Variants in MSRB3 observed in about 807,000 individuals in gnomAD.
MSRB3 encodes the protein methionine sulfoxide reductase B3.
Under a neutral mutation model 21.0 loss-of-function variants are expected in MSRB3, and 13 were observed. The ratio of observed to expected loss-of-function variants is 0.62; its 90% CI spans 0.40 to 0.98. The LOEUF (loss-of-function observed/expected upper bound fraction) is 0.98, where lower values mean the gene tolerates loss of function less well. Ranked by LOEUF, MSRB3 falls within the 50% of genes least tolerant of loss-of-function variation. MSRB3 has a pLI of 0.00. For synonymous variants in MSRB3, 87 were observed against 88.6 expected (o/e 0.98, Z 0.10); for missense variants, 199 against 230.3 (o/e 0.86, Z 0.88).
intron 5 of MSRB3, among the ~76,000 whole-genome samples, chr12:65,438,140 T>A (rs373259868): frequency 3.3e-5 from 5 of 151,960 alleles, no homozygotes; most frequent in Non-Finnish European, 7.4e-5. Context: ...TGAAAAATTC[T>A]TTCTGATACA....
chr12:65,320,162 A>AG (rs1874568989), intron 2 of MSRB3, among the ~76,000 whole-genome samples: 1 of 152,208 alleles, frequency 6.6e-6, no homozygotes, highest in Non-Finnish European at 1.5e-5. Context: ...AACAGCAAGA[A>AG]GGCATTAAAT....
intron 5 of MSRB3, among the ~76,000 whole-genome samples, chr12:65,405,928 T>C (rs907571421): frequency 6.6e-6 from 1 of 152,198 alleles, no homozygotes; most frequent in African/African-American, 2.4e-5. Flanking sequence ...TTAAATTGGG[T>C]TATTTATTTT....
At chr12:65,428,968 T>A (rs1338700101) in intron 5 of MSRB3, among the ~76,000 whole-genome samples, 2 of 152,256 alleles carry the variant, frequency 1.3e-5, no homozygotes, top group South Asian at 4.1e-4. Flanking sequence ...TATGATTACT[T>A]ACCAGTCTCT....
At chr12:65,433,231 C>A (rs889221321) in intron 5 of MSRB3, among the ~76,000 whole-genome samples, 2 of 151,836 alleles carry the variant, frequency 1.3e-5, no homozygotes, top group African/African-American at 4.8e-5. Context: ...TGACTCTTTT[C>A]ATTTTAGTTT....
chr12:65,424,748 T>C (rs1337950123), intron 5 of MSRB3, among the ~76,000 whole-genome samples: 1 of 151,622 alleles, frequency 6.6e-6, no homozygotes, highest in Non-Finnish European at 1.5e-5. Flanking sequence ...TCCTGGAGAA[T>C]GTTCCGCTTG....
chr12:65,464,062 C>T lies in MSRB3; in HGVS notation c.*740C>T, dbSNP rs1336244710. ...GGCCAAGGCGGGTGGATCACGAGGT[C>T]AGGAGATGGAGACCATCCTGGCTAA... On this transcript the variant is annotated 3_prime_UTR_variant, in exon 7 of 7. Transcript: ENST00000308259. 1 of 152,284 alleles carries T rather than the reference C, an allele frequency of 6.6e-6. No individual in the cohort carries two copies. Among genetic ancestry groups the T allele is most frequent in the African/African-American group, 2.4e-5 (1 of 41,434 alleles). The allele number at this position is 152,284 out of a possible 1,614,324, so 9.4% of individuals were successfully genotyped here.
intron 4 of MSRB3, among the ~76,000 whole-genome samples, chr12:65,336,410 A>T (rs997718): frequency 0.012 from 1,763 of 152,324 alleles, 32 homozygotes; most frequent in African/African-American, 0.041. Flanking sequence ...CTGAAGCAAT[A>T]GATACAAAAA....
Position 65,278,748 on chromosome 12 carries a change from C to A in MSRB3, c.-169C>A, listed in dbSNP as rs754051748. 3.8e-6 allele frequency: 6 copies of A among 1,571,050 alleles called. No individual in the cohort carries two copies. In the South Asian group the frequency reaches 5.8e-5, roughly 15 times the overall value. Reference sequence around the variant, plus strand: ...GGAGGGAGCGAGGTTCGGACACCGGCGGCGGCTGCCTGGCCTTTCCATGAG... The same window carrying A: ...GGAGGGAGCGAGGTTCGGACACCGGAGGCGGCTGCCTGGCCTTTCCATGAG... On this transcript the variant is annotated 5_prime_UTR_variant, in exon 1 of 7. Transcript: ENST00000308259.
chr12:65,434,783 G>A (rs1882043817), intron 5 of MSRB3, among the ~76,000 whole-genome samples: 1 of 151,916 alleles, frequency 6.6e-6, no homozygotes, highest in Non-Finnish European at 1.5e-5. Context: ...CATTTGTGTG[G>A]TGATTAGCTA....
intron 4 of MSRB3, among the ~76,000 whole-genome samples, chr12:65,335,500 TC>T (rs1306574116): frequency 2.0e-5 from 3 of 152,170 alleles, no homozygotes; most frequent in Non-Finnish European, 2.9e-5. Flanking sequence ...CTGAGAAAAT[TC>T]CAGTCCAGTG....
intron 5 of MSRB3, among the ~76,000 whole-genome samples, chr12:65,411,451 C>A (rs1271147366): frequency 6.6e-6 from 1 of 152,156 alleles, no homozygotes; most frequent in African/African-American, 2.4e-5. Context: ...ATACTCAGAT[C>A]TCCTTTTTAA....
At chr12:65,410,612 C>T (rs1880666008) in intron 5 of MSRB3, among the ~76,000 whole-genome samples, 1 of 152,172 alleles carries the variant, frequency 6.6e-6, no homozygotes, top group East Asian at 1.9e-4. Flanking sequence ...CCACTACACT[C>T]CAGCCTGGGT....
intron 5 of MSRB3, among the ~76,000 whole-genome samples, chr12:65,375,916 C>T (rs1592578622): frequency 1.5e-5 from 2 of 130,836 alleles, no homozygotes; most frequent in Non-Finnish European, 3.2e-5. Flanking sequence ...GTCTATTATT[C>T]AGTACTTATT....
At chr12:65,391,973 C>A (rs1375082534) in intron 5 of MSRB3, among the ~76,000 whole-genome samples, 5 of 152,084 alleles carry the variant, frequency 3.3e-5, no homozygotes, top group Admixed American at 1.3e-4. Context: ...CAAGGGCCTG[C>A]CTGATTTTCC....
chr12:65,424,439 C>A (rs1248778602), intron 5 of MSRB3, among the ~76,000 whole-genome samples: 1 of 151,948 alleles, frequency 6.6e-6, no homozygotes, highest in African/African-American at 2.4e-5. Flanking sequence ...TTGATGGAGG[C>A]AGTTATTGCT....
At chr12:65,436,009 A>G (rs1882098153) in intron 5 of MSRB3, among the ~76,000 whole-genome samples, 1 of 151,860 alleles carries the variant, frequency 6.6e-6, no homozygotes, top group African/African-American at 2.4e-5. Context: ...ATTCTAGGAA[A>G]AGTCATGGTA....
chr12:65,424,472 A>G (rs987393737), intron 5 of MSRB3, among the ~76,000 whole-genome samples: 2 of 151,680 alleles, frequency 1.3e-5, no homozygotes, highest in African/African-American at 4.8e-5. Context: ...TTTAGAAGTG[A>G]TTTTGCTGCA....
At chr12:65,435,364 T>C (rs1882068282) in intron 5 of MSRB3, among the ~76,000 whole-genome samples, 1 of 151,956 alleles carries the variant, frequency 6.6e-6, no homozygotes. Flanking sequence ...TCTGCCAGGC[T>C]ACGTAATCCT....
intron 1 of MSRB3, among the ~76,000 whole-genome samples, chr12:65,302,675 GA>G (rs1873407055): frequency 6.6e-6 from 1 of 152,134 alleles, no homozygotes; most frequent in African/African-American, 2.4e-5. Context: ...TTAACAAAAG[GA>G]ATGCCAAATT....
Sources: allele counts gnomAD v4.1 joint callset (sites outside exome capture counted in the v4.1 genomes callset), GRCh38; gene constraint gnomAD v4.1.1; transcripts MANE v1.5; gene names NCBI Gene and HGNC (gene_info 2026-07-23, HGNC 2026-07-21).